TRIM9: variants seen among roughly 807,000 people sequenced by gnomAD.
The protein encoded by TRIM9 is tripartite motif containing 9.
In TRIM9, 26 loss-of-function variants were observed where a neutral mutation model predicts 78.3. The ratio of observed to expected loss-of-function variants is 0.33; its 90% CI spans 0.24 to 0.46. The LOEUF is 0.46. Among genes scored for constraint, TRIM9 ranks in the 20% least tolerant of loss-of-function variants. TRIM9 has a pLI of 1.00. For synonymous variants in TRIM9, 398 were observed against 416.5 expected (o/e 0.96, Z 0.54); for missense variants, 787 against 1,036.4 (o/e 0.76, Z 3.30).
intron 9 of TRIM9, 66 bp downstream of exon 9, chr14:50,983,314 A>AT (rs2052232957): frequency 7.5e-7 from 1 of 1,337,798 alleles, no homozygotes; most frequent in Non-Finnish European, 1.0e-6. Context: ...GCCGCCATTT[A>AT]TTTTGTGAAG....
intron 1 of TRIM9, among the ~76,000 whole-genome samples, chr14:51,047,361 A>G (rs1196394199): frequency 6.6e-6 from 1 of 152,166 alleles, no homozygotes; most frequent in Non-Finnish European, 1.5e-5. Flanking sequence ...CATTCATTTC[A>G]TCATGGCTGT....
intron 1 of TRIM9, among the ~76,000 whole-genome samples, chr14:51,054,297 T>TTTGTTGTTGTTGTTG (rs10641747): frequency 2.5e-4 from 38 of 151,230 alleles, no homozygotes; most frequent in Admixed American, 7.9e-4. Context: ...TTTATACTCA[T>TTTGTTGTTGTTGTTG]TTGTTGTTGT....
intron 3 of TRIM9, among the ~76,000 whole-genome samples, chr14:51,020,294 C>T (rs969766670): frequency 1.3e-5 from 2 of 152,100 alleles, no homozygotes; most frequent in East Asian, 3.9e-4. Context: ...GCCGTGGAGG[C>T]CTGTATCAGT....
In TRIM9 at chr14:51,049,006, T is replaced by C. The variant is rs974174751; in HGVS notation, c.823-23646A>G. Among the ~76,000 whole-genome samples the C allele has an allele frequency of 2.7e-5, 4 of 150,006 alleles. No individual in the cohort carries two copies. In the East Asian group the frequency reaches 7.8e-4, roughly 29 times the overall value. On this transcript the variant is annotated intron_variant, in intron 1 of 12. Coordinates refer to ENST00000684578, the MANE Select transcript of TRIM9 (RefSeq NM_001387360.1). ...CTCAAAAAAAAAAAAAAAGGAAACA[T>C]CCCATCTTGGCCTTATCATTTACAT...
chr14:50,979,180 G>T, intron 12 of TRIM9: 8 of 1,441,716 alleles, frequency 5.5e-6, no homozygotes, highest in Non-Finnish European at 7.3e-6. Flanking sequence ...TAACTAGTCT[G>T]CGTCCAAGTA....
intron 1 of TRIM9, among the ~76,000 whole-genome samples, chr14:51,042,445 A>G (rs2059644708): frequency 6.6e-6 from 1 of 152,218 alleles, no homozygotes; most frequent in African/African-American, 2.4e-5. Context: ...TCACATTAAA[A>G]TTTTAGCTAA....
intron 1 of TRIM9, among the ~76,000 whole-genome samples, chr14:51,063,833 T>A (rs2061535886): frequency 6.6e-6 from 1 of 152,150 alleles, no homozygotes; most frequent in Non-Finnish European, 1.5e-5. Flanking sequence ...CAGGAAATGT[T>A]AACAGGAATA....
chr14:51,017,809 G>C (rs2057362392), intron 3 of TRIM9, among the ~76,000 whole-genome samples: 1 of 152,160 alleles, frequency 6.6e-6, no homozygotes, highest in South Asian at 2.1e-4. Flanking sequence ...GTGAGTGGGG[G>C]GGCTGTTCAG....
chr14:51,049,957 G>T (rs1464959955), intron 1 of TRIM9, among the ~76,000 whole-genome samples: 1 of 152,180 alleles, frequency 6.6e-6, no homozygotes, highest in African/African-American at 2.4e-5. Flanking sequence ...TGCATTAAGA[G>T]TGGAAAGAAA....
intron 1 of TRIM9, among the ~76,000 whole-genome samples, chr14:51,088,647 TAA>T (rs533139244): frequency 1.1e-4 from 15 of 136,520 alleles, no homozygotes; most frequent in Admixed American, 2.2e-4. Flanking sequence ...TTCGAGTTGG[TAA>T]AAAAAAAAAA....
chr14:51,001,679 T>C (rs2055067335), intron 5 of TRIM9, among the ~76,000 whole-genome samples: 1 of 152,176 alleles, frequency 6.6e-6, no homozygotes, highest in East Asian at 1.9e-4. Context: ...CTACTCCACG[T>C]CTTCTGCACG....
chr14:51,086,476 T>A (rs990296635), intron 1 of TRIM9, among the ~76,000 whole-genome samples: 1 of 152,228 alleles, frequency 6.6e-6, no homozygotes, highest in Admixed American at 6.5e-5. Context: ...AAATTTAAAA[T>A]ACCGGGTTAT....
At chr14:51,005,671 C>T (rs1409610428) in intron 5 of TRIM9, among the ~76,000 whole-genome samples, 1 of 152,060 alleles carries the variant, frequency 6.6e-6, no homozygotes, top group Non-Finnish European at 1.5e-5. Context: ...TTTAATTACT[C>T]TCTAATAAAA....
intron 1 of TRIM9, chr14:51,090,919 C>T (rs113228488): frequency 1.4e-4 from 21 of 152,180 alleles, no homozygotes; most frequent in African/African-American, 5.1e-4. Flanking sequence ...CTATTGAAAC[C>T]CCAGGAATTC....
At chr14:51,008,984 T>C in intron 5 of TRIM9, 96 bp downstream of exon 5, 1 of 1,253,040 alleles carries the variant, frequency 8.0e-7, no homozygotes, top group Non-Finnish European at 1.1e-6. Context: ...CCACTCCATA[T>C]TCTTGTTACA....
intron 5 of TRIM9, among the ~76,000 whole-genome samples, chr14:51,001,655 T>TA (rs1566564482): frequency 6.6e-6 from 1 of 152,216 alleles, no homozygotes; most frequent in African/African-American, 2.4e-5. Flanking sequence ...CATTTTTTTT[T>TA]AAAACCAGTG....
chr14:51,061,075 C>T (rs1051163069), intron 1 of TRIM9, among the ~76,000 whole-genome samples: 1 of 152,154 alleles, frequency 6.6e-6, no homozygotes, highest in African/African-American at 2.4e-5. Flanking sequence ...GGCATTCCTA[C>T]ATTTTTTGTG....
chr14:51,001,375 G>A (rs1039143775), intron 5 of TRIM9, among the ~76,000 whole-genome samples: 9 of 151,656 alleles, frequency 5.9e-5, no homozygotes, highest in Non-Finnish European at 1.2e-4. Flanking sequence ...GACTACAGGC[G>A]CCCGCCACCA....
At chr14:51,054,963 G>A (rs12431591) in intron 1 of TRIM9, among the ~76,000 whole-genome samples, 47,180 of 151,802 alleles carry the variant, frequency 0.31, 7,618 homozygotes, top group South Asian at 0.5. Flanking sequence ...CTGAGTAGCT[G>A]GGACAACAAG....
Sources: allele counts gnomAD v4.1 joint callset (sites outside exome capture counted in the v4.1 genomes callset), GRCh38; gene constraint gnomAD v4.1.1; transcripts MANE v1.5; gene names NCBI Gene and HGNC (gene_info 2026-07-23, HGNC 2026-07-21).